GTF2I: variants seen among roughly 807,000 people sequenced by gnomAD.
The protein encoded by GTF2I is general transcription factor II-I.
Under a neutral mutation model 67.6 loss-of-function variants are expected in GTF2I, and 12 were observed. The observed-to-expected ratio is 0.18, with a 90% CI of 0.11 to 0.29. The LOEUF (loss-of-function observed/expected upper bound fraction) is 0.29, where lower values mean the gene tolerates loss of function less well. Among genes scored for constraint, GTF2I ranks in the 10% least tolerant of loss-of-function variants. The pLI is 1.00. For missense variants in GTF2I, 271 were observed against 580.1 expected (o/e 0.47, Z 5.47); for synonymous variants, 149 against 197.0 (o/e 0.76, Z 2.04).
intron 8 of GTF2I, among the ~76,000 whole-genome samples, chr7:74,706,971 T>G (rs1282620661): frequency 6.6e-6 from 1 of 152,228 alleles, no homozygotes; most frequent in Non-Finnish European, 1.5e-5. Flanking sequence ...CACCTCAGCC[T>G]CCCGAGTAGC....
At chr7:74,686,145 C>A (rs1787707067) in intron 1 of GTF2I, among the ~76,000 whole-genome samples, 2 of 152,170 alleles carry the variant, frequency 1.3e-5, no homozygotes, top group African/African-American at 4.8e-5. Context: ...TGATTGGTTG[C>A]AGAAAGCAAC....
intron 12 of GTF2I, among the ~76,000 whole-genome samples, chr7:74,726,230 T>A (rs1793762070): frequency 6.6e-6 from 1 of 152,218 alleles, no homozygotes; most frequent in Non-Finnish European, 1.5e-5. Context: ...TGTAAAAAAA[T>A]ATATAGTAAT....
intron 1 of GTF2I, among the ~76,000 whole-genome samples, chr7:74,683,386 A>G (rs1554394601): frequency 6.6e-6 from 1 of 152,232 alleles, no homozygotes; most frequent in African/African-American, 2.4e-5. Context: ...TATAATTGTC[A>G]ACCTAGGTTT....
At chr7:74,708,766 T>A (rs1395849888) in intron 8 of GTF2I, among the ~76,000 whole-genome samples, 3 of 152,166 alleles carry the variant, frequency 2.0e-5, no homozygotes, top group Non-Finnish European at 4.4e-5. Flanking sequence ...CTGAGAGACA[T>A]CAGTTTTGTG....
At chr7:74,669,827 G>A (rs1394816769) in intron 1 of GTF2I, among the ~76,000 whole-genome samples, 4 of 152,120 alleles carry the variant, frequency 2.6e-5, no homozygotes, top group Admixed American at 6.6e-5. Flanking sequence ...CACCGTGTCC[G>A]GCCAAGGTGA....
intron 7 of GTF2I, 99 bp from the exon 8 acceptor site, chr7:74,706,291 A>G (rs782012614): frequency 2.4e-4 from 223 of 944,530 alleles, no homozygotes; most frequent in Non-Finnish European, 3.4e-4. Context: ...ACCTTGGTCA[A>G]GGGAGGGATC....
chr7:74,718,030 A>G (rs1792472601), intron 11 of GTF2I, among the ~76,000 whole-genome samples: 1 of 152,202 alleles, frequency 6.6e-6, no homozygotes, highest in South Asian at 2.1e-4. Flanking sequence ...TTAGAACAAC[A>G]AGACCTAGGT....
intron 1 of GTF2I, among the ~76,000 whole-genome samples, chr7:74,658,699 G>A (rs1331164081): frequency 6.6e-6 from 1 of 151,304 alleles, no homozygotes; most frequent in East Asian, 2.0e-4. Flanking sequence ...CCCGCTCCCA[G>A]GTGGAGTCCG....
chr7:74,738,992 G>T, intron 19 of GTF2I, among the ~76,000 whole-genome samples: 1 of 27,928 alleles, frequency 3.6e-5, no homozygotes, highest in African/African-American at 9.0e-5. Context: ...TTCTTTATTA[G>T]AGCTCTAAGT....
chr7:74,670,726 C>T (rs1009128425), intron 1 of GTF2I, among the ~76,000 whole-genome samples: 1 of 150,902 alleles, frequency 6.6e-6, no homozygotes, highest in Non-Finnish European at 1.5e-5. Context: ...AAAAAAACAC[C>T]TCAAGAACAA....
chr7:74,703,905 C>T lies in GTF2I; in HGVS notation c.587-1259C>T, dbSNP rs955104628. On this transcript the variant is annotated intron_variant, in intron 6 of 34. Coordinates refer to ENST00000573035, the MANE Select transcript of GTF2I (RefSeq NM_032999.4). ...TTCCAGGACAATTTGCAGAAAAGAC[C>T]GTCCTTTCCCTCAAGATATCCTTGT... Among the ~76,000 whole-genome samples, 8 of 152,280 alleles carry T rather than the reference C, an allele frequency of 5.3e-5. No homozygotes were observed. In the East Asian group the frequency reaches 1.2e-3, roughly 22 times the overall value.
intron 1 of GTF2I, among the ~76,000 whole-genome samples, chr7:74,680,099 A>AAAAAAAAAAAATAT: frequency 5.3e-5 from 5 of 95,000 alleles, no homozygotes; most frequent in African/African-American, 1.6e-4. Flanking sequence ...AAAAAAAAAA[A>AAAAAAAAAAAATAT]ATATATATAT....
chr7:74,726,197 T>A (rs1289332903), intron 12 of GTF2I, among the ~76,000 whole-genome samples: 1 of 152,180 alleles, frequency 6.6e-6, no homozygotes, highest in African/African-American at 2.4e-5. Context: ...ATACTTTTAT[T>A]TTAGAAGTTA....
chr7:74,719,083 G>A, intron 12 of GTF2I, 142 bp downstream of exon 12: 1 of 514,696 alleles, frequency 1.9e-6, no homozygotes, highest in Middle Eastern at 2.9e-4. Flanking sequence ...GGCCAAAGCA[G>A]CCCACTCCCC....
At chr7:74,670,147 T>C (rs1465581770) in intron 1 of GTF2I, among the ~76,000 whole-genome samples, 6 of 152,230 alleles carry the variant, frequency 3.9e-5, no homozygotes, top group Non-Finnish European at 8.8e-5. Flanking sequence ...GTTTAAATTA[T>C]AAATGCTTGC....
At chr7:74,693,218 AGCATTATTTGAGACTTT>A (rs1249402399) in intron 3 of GTF2I, among the ~76,000 whole-genome samples, 2 of 145,804 alleles carry the variant, frequency 1.4e-5, no homozygotes, top group African/African-American at 5.1e-5. Context: ...CTCTTGGCAT[AGCATTATTTGAGACTTT>A]TTCATGATTA....
intron 3 of GTF2I, among the ~76,000 whole-genome samples, chr7:74,693,848 G>GA (rs199645413): frequency 2.7e-4 from 41 of 149,528 alleles, no homozygotes; most frequent in African/African-American, 8.3e-4. Flanking sequence ...CCGTCTCAAC[G>GA]AAAAAAAAAG....
chr7:74,732,164 AAC>A (rs1794555221), intron 14 of GTF2I, among the ~76,000 whole-genome samples: 2 of 145,114 alleles, frequency 1.4e-5, no homozygotes, highest in African/African-American at 2.6e-5. Context: ...TATATACATA[AAC>A]ACATATACAT....
chr7:74,733,168 T>C (rs1301920401), intron 15 of GTF2I, among the ~76,000 whole-genome samples: 4 of 120,182 alleles, frequency 3.3e-5, no homozygotes, highest in Non-Finnish European at 6.8e-5. Flanking sequence ...TGATTCACCA[T>C]GTTGGCCAGG....
Sources: gnomAD v4.1 joint callset for allele counts (sites outside exome capture counted in the v4.1 genomes callset) on GRCh38, gnomAD v4.1.1 for gene constraint, MANE v1.5 for transcripts, NCBI Gene and HGNC (gene_info 2026-07-23, HGNC 2026-07-21) for gene names.